RBFOX1: variants seen among roughly 807,000 people sequenced by gnomAD.
The protein encoded by RBFOX1 is RNA binding fox-1 homolog 1.
Under a neutral mutation model 57.7 loss-of-function variants are expected in RBFOX1, and 8 were observed. The ratio of observed to expected loss-of-function variants is 0.14; its 90% confidence interval spans 0.08 to 0.25. The LOEUF is 0.25. Ranked by LOEUF, RBFOX1 falls within the 10% of genes least tolerant of loss-of-function variation. RBFOX1 has a pLI of 1.00. For synonymous variants in RBFOX1, 326 were observed against 222.4 expected (o/e 1.47, Z -4.15); for missense variants, 611 against 548.5 (o/e 1.11, Z -1.14).
intron 1 of RBFOX1, among the ~76,000 whole-genome samples, chr16:6,299,799 A>G (rs987460077): frequency 5.3e-5 from 8 of 152,170 alleles, no homozygotes; most frequent in African/African-American, 1.9e-4. Flanking sequence ...TCTTTGGGAA[A>G]CAAGTCTGTC....
chr16:7,226,550 T>G (rs915817607), intron 4 of RBFOX1, among the ~76,000 whole-genome samples: 7 of 152,204 alleles, frequency 4.6e-5, no homozygotes, highest in Non-Finnish European at 7.3e-5. Context: ...ATTCTCTCAA[T>G]GGTGCCTCCA....
In RBFOX1 at chr16:6,256,646, C is replaced by G. The variant is rs143429019; in HGVS notation, c.-126-60349C>G. On this transcript the variant is annotated intron_variant, in intron 1 of 15. Transcript: ENST00000550418. ...AGTCTCAGCACCACTGACACTTTAGCCAGAACACTTTTGCTGTGGGATGCT... is the reference window on the plus strand; with the variant it reads ...AGTCTCAGCACCACTGACACTTTAGGCAGAACACTTTTGCTGTGGGATGCT... Among the ~76,000 whole-genome samples the G allele has an allele frequency of 4.3e-3, 656 of 152,202 alleles. 5 individuals are homozygous for G. Among genetic ancestry groups the G allele is most frequent in the Non-Finnish European group, 7.0e-3 (477 of 68,004 alleles).
At chr16:6,881,352 C>T (rs142727132) in intron 3 of RBFOX1, among the ~76,000 whole-genome samples, 1 of 152,126 alleles carries the variant, frequency 6.6e-6, no homozygotes, top group South Asian at 2.1e-4. Context: ...GGTTGGGTGG[C>T]TAAAACAACA....
chr16:5,746,364 A>G (rs2052981050), intron 3 of RBFOX1, among the ~76,000 whole-genome samples: 2 of 152,234 alleles, frequency 1.3e-5, no homozygotes, highest in Admixed American at 6.5e-5. Flanking sequence ...GTTTGCAGTC[A>G]GGTAGCATGA....
chr16:7,424,298 C>T (rs1449889327), intron 4 of RBFOX1, among the ~76,000 whole-genome samples: 1 of 151,910 alleles, frequency 6.6e-6, no homozygotes, highest in Non-Finnish European at 1.5e-5. Context: ...CTAGCTCTGT[C>T]ACCCAGGCTG....
At chr16:6,179,531 A>G (rs1432483418) in intron 1 of RBFOX1, among the ~76,000 whole-genome samples, 5 of 152,084 alleles carry the variant, frequency 3.3e-5, no homozygotes, top group Admixed American at 3.3e-4. Flanking sequence ...CACAGTCTGA[A>G]GTCCTGGCTT....
At chr16:6,154,524 G>A (rs1379773502) in intron 1 of RBFOX1, among the ~76,000 whole-genome samples, 3 of 152,146 alleles carry the variant, frequency 2.0e-5, no homozygotes, top group Non-Finnish European at 4.4e-5. Flanking sequence ...GGTAAGGTAG[G>A]AATAAGGATA....
intron 3 of RBFOX1, among the ~76,000 whole-genome samples, chr16:6,900,793 A>C (rs1270770842): frequency 6.6e-6 from 1 of 152,140 alleles, no homozygotes; most frequent in Non-Finnish European, 1.5e-5. Flanking sequence ...TTCACAGCAC[A>C]CAATGCCATT....
rs115986488 is a variant in RBFOX1 at position 7,042,432 on chromosome 16, A to T, written c.-15-9625A>T. ...ATTTCCTATCTTTACGGTTTTAGGA[A>T]TTCACTCACTCTGTGCCTCAGTTTT... On this transcript the variant is annotated intron_variant, in intron 3 of 15. Transcript: ENST00000550418. Among the ~76,000 whole-genome samples, 713 of 152,270 alleles carry T rather than the reference A, an allele frequency of 4.7e-3. 9 individuals are homozygous for T. Among genetic ancestry groups the T allele is most frequent in the African/African-American group, 0.016 (660 of 41,552 alleles).
intron 2 of RBFOX1, among the ~76,000 whole-genome samples, chr16:6,393,526 C>G (rs1039094434): frequency 6.6e-6 from 1 of 152,172 alleles, no homozygotes; most frequent in Admixed American, 6.5e-5. Flanking sequence ...TTAGCTGCTT[C>G]ATGCATTCAA....
At chr16:5,242,273 T>C (rs2062187495) in intron 1 of RBFOX1, among the ~76,000 whole-genome samples, 1 of 152,210 alleles carries the variant, frequency 6.6e-6, no homozygotes, top group African/African-American at 2.4e-5. Flanking sequence ...GAGGGAAATG[T>C]GAATTTCATG....
intron 4 of RBFOX1, among the ~76,000 whole-genome samples, chr16:7,429,561 T>A (rs1249180296): frequency 6.6e-6 from 1 of 152,164 alleles, no homozygotes; most frequent in Non-Finnish European, 1.5e-5. Context: ...ACCTATTTTG[T>A]CCTCTCATAC....
chr16:7,453,276 G>C (rs535448346), intron 4 of RBFOX1, among the ~76,000 whole-genome samples: 2 of 152,232 alleles, frequency 1.3e-5, no homozygotes, highest in African/African-American at 4.8e-5. Context: ...TCCAGGCTGT[G>C]GGATTGGCAT....
At chr16:5,969,563 C>A (rs1370186441) in intron 4 of RBFOX1, among the ~76,000 whole-genome samples, 1 of 148,876 alleles carries the variant, frequency 6.7e-6, no homozygotes, top group Non-Finnish European at 1.5e-5. Flanking sequence ...ATCTCATGAT[C>A]CGCCTGCCTC....
intron 2 of RBFOX1, among the ~76,000 whole-genome samples, chr16:6,362,695 G>C (rs2088807582): frequency 6.6e-6 from 1 of 152,186 alleles, no homozygotes. Context: ...GTCTAGCTTG[G>C]GTCATTGGTA....
intron 3 of RBFOX1, among the ~76,000 whole-genome samples, chr16:7,026,341 A>C (rs532886331): frequency 2.7e-4 from 41 of 152,334 alleles, no homozygotes; most frequent in African/African-American, 9.1e-4. Context: ...TCGGGTATCC[A>C]TGATGCAAGG....
At chr16:5,689,800 C>T (rs1202699229) in intron 3 of RBFOX1, among the ~76,000 whole-genome samples, 1 of 59,980 alleles carries the variant, frequency 1.7e-5, no homozygotes, top group African/African-American at 3.0e-5. Context: ...ATAAGAAATA[C>T]AGACCAAAAA....
intron 4 of RBFOX1, among the ~76,000 whole-genome samples, chr16:7,077,458 A>G (rs1212192346): frequency 6.6e-6 from 1 of 152,158 alleles, no homozygotes; most frequent in South Asian, 2.1e-4. Context: ...TCAAAGACGA[A>G]CTAATCTGTG....
At chr16:6,958,932 C>A (rs1210818510) in intron 3 of RBFOX1, among the ~76,000 whole-genome samples, 1 of 152,052 alleles carries the variant, frequency 6.6e-6, no homozygotes, top group South Asian at 2.1e-4. Flanking sequence ...TCCATCCTGA[C>A]ATAGGCAGCA....
Sources: gnomAD v4.1 joint callset for allele counts (sites outside exome capture counted in the v4.1 genomes callset) on GRCh38, gnomAD v4.1.1 for gene constraint, MANE v1.5 for transcripts, NCBI Gene and HGNC (gene_info 2026-07-23, HGNC 2026-07-21) for gene names.